CDH13: variants seen among roughly 807,000 people sequenced by gnomAD.
The protein encoded by CDH13 is cadherin 13.
Under a neutral mutation model 63.8 loss-of-function variants are expected in CDH13, and 24 were observed. The observed-to-expected ratio is 0.38, with a 90% confidence interval of 0.27 to 0.53. The LOEUF is 0.53. Ranked by LOEUF, CDH13 falls within the 20% of genes least tolerant of loss-of-function variation. CDH13 has a pLI of 0.85. For missense variants in CDH13, 1,049 were observed against 903.1 expected (o/e 1.16, Z -2.07); for synonymous variants, 503 against 355.3 (o/e 1.42, Z -4.67).
intron 7 of CDH13, among the ~76,000 whole-genome samples, chr16:83,511,094 ATGCACAC>A (rs1435144869): frequency 1.3e-5 from 2 of 151,340 alleles, no homozygotes; most frequent in African/African-American, 4.8e-5. Context: ...GCACACACAC[ATGCACAC>A]ATGCACGCAT....
At chr16:82,691,289 T>A (rs921868897) in intron 1 of CDH13, among the ~76,000 whole-genome samples, 1 of 152,196 alleles carries the variant, frequency 6.6e-6, no homozygotes, top group Non-Finnish European at 1.5e-5. Flanking sequence ...TATATGCCAA[T>A]GGCTGCCAGC....
intron 6 of CDH13, among the ~76,000 whole-genome samples, chr16:83,479,556 C>G (rs1422780337): frequency 6.6e-6 from 1 of 152,064 alleles, no homozygotes; most frequent in African/African-American, 2.4e-5. Flanking sequence ...ACTCAGGAGG[C>G]TGAGGCAGGA....
At chr16:83,358,911 A>G (rs1285319646) in intron 6 of CDH13, among the ~76,000 whole-genome samples, 1 of 152,154 alleles carries the variant, frequency 6.6e-6, no homozygotes, top group Non-Finnish European at 1.5e-5. Flanking sequence ...ATTTCCTAGT[A>G]TTACTGTAAT....
chr16:83,551,720 G>T (rs1022270076), intron 7 of CDH13, among the ~76,000 whole-genome samples: 1 of 152,144 alleles, frequency 6.6e-6, no homozygotes, highest in Non-Finnish European at 1.5e-5. Flanking sequence ...AGAAATAAAT[G>T]CATCTCCCTT....
intron 4 of CDH13, among the ~76,000 whole-genome samples, chr16:83,214,606 G>GAAAAAAAAAAA (rs2039441543): frequency 1.5e-5 from 1 of 68,104 alleles, no homozygotes; most frequent in Non-Finnish European, 3.8e-5. Context: ...AAAAAAAGAG[G>GAAAAAAAAAAA]AAACCACCTA....
At chr16:83,623,987 G>A (rs1216668158) in intron 8 of CDH13, among the ~76,000 whole-genome samples, 2 of 152,184 alleles carry the variant, frequency 1.3e-5, no homozygotes, top group African/African-American at 4.8e-5. Context: ...CAGCAGAAAC[G>A]AATTTCCTGG....
intron 8 of CDH13, among the ~76,000 whole-genome samples, chr16:83,660,556 A>G (rs11859982): frequency 2.1e-4 from 32 of 152,350 alleles, no homozygotes; most frequent in African/African-American, 7.7e-4. Context: ...TGGCCCGGTT[A>G]CTAACAGGCT....
At chr16:82,964,687 G>A (rs193292028) in intron 2 of CDH13, among the ~76,000 whole-genome samples, 201 of 152,304 alleles carry the variant, frequency 1.3e-3, no homozygotes, top group Non-Finnish European at 2.2e-3. Flanking sequence ...GGTTAATAGA[G>A]GTCAGGTGTA....
intron 5 of CDH13, among the ~76,000 whole-genome samples, chr16:83,317,161 G>A (rs2090124538): frequency 6.6e-6 from 1 of 152,124 alleles, no homozygotes; most frequent in Admixed American, 6.5e-5. Flanking sequence ...TAATTATCTG[G>A]TCCCAAATGT....
intron 2 of CDH13, among the ~76,000 whole-genome samples, chr16:82,987,301 C>T (rs1255018813): frequency 1.3e-5 from 2 of 152,164 alleles, no homozygotes; most frequent in Non-Finnish European, 2.9e-5. Context: ...ATCTACTGGG[C>T]AGAGATCTTA....
intron 8 of CDH13, among the ~76,000 whole-genome samples, chr16:83,620,508 A>T (rs1256760065): frequency 6.6e-6 from 1 of 151,722 alleles, no homozygotes; most frequent in Non-Finnish European, 1.5e-5. Flanking sequence ...ATTGCTGGGG[A>T]TGCCAACAGC....
intron 6 of CDH13, among the ~76,000 whole-genome samples, chr16:83,404,974 G>A (rs2092020507): frequency 6.6e-6 from 1 of 152,136 alleles, no homozygotes; most frequent in African/African-American, 2.4e-5. Context: ...AGTGAACAAA[G>A]TAGCCCATTA....
rs192493060 is a variant in CDH13, at chr16:82,636,108, C to A, written c.45+8971C>A. 1.1e-4 allele frequency among the ~76,000 whole-genome samples: 16 copies of A among 152,174 alleles called. No individual in the cohort carries two copies. The East Asian group carries it at 3.1e-3, about 29-fold the overall frequency. ...ATGGACTAAATCCTATTCAGATAAT[C>A]CAAGAGACATTTAGGTGGATAACTT... is the stretch of plus-strand genomic sequence containing the variant. On this transcript the variant is annotated intron_variant, in intron 1 of 13. Transcript: ENST00000567109.
At chr16:82,953,552 C>G (rs1905602308) in intron 2 of CDH13, 1 of 152,274 alleles carries the variant, frequency 6.6e-6, no homozygotes, top group South Asian at 2.1e-4. Context: ...GCATGGTGAA[C>G]TTAGTAATTT....
intron 2 of CDH13, among the ~76,000 whole-genome samples, chr16:83,009,068 C>G (rs1913848914): frequency 6.6e-6 from 1 of 152,152 alleles, no homozygotes; most frequent in Admixed American, 6.5e-5. Context: ...CAATTCCACC[C>G]CCACCGGGTC....
chr16:83,127,753 T>C (rs577027634), intron 4 of CDH13, among the ~76,000 whole-genome samples: 1 of 152,170 alleles, frequency 6.6e-6, no homozygotes, highest in Non-Finnish European at 1.5e-5. Context: ...AAAAAATCGA[T>C]CTTTATTGCA....
rs530079562 is a variant in CDH13 at position 83,096,646 on chromosome 16, C to G, written c.367-28739C>G. 3.3e-5 allele frequency among the ~76,000 whole-genome samples: 5 copies of G among 152,274 alleles called. 1 individual carries two copies. Among genetic ancestry groups the G allele is most frequent in the African/African-American group, 1.2e-4 (5 of 41,568 alleles). On this transcript the variant is annotated intron_variant, in intron 3 of 13. Coordinates refer to ENST00000567109, the MANE Select transcript of CDH13 (RefSeq NM_001257.5). Reference sequence around the variant, plus strand: ...TGCGCTTTCCAGTCGTGTGTCAATGCAAAGTGAGCGGATTTGGGTTTAACT... The same window carrying G: ...TGCGCTTTCCAGTCGTGTGTCAATGGAAAGTGAGCGGATTTGGGTTTAACT...
intron 2 of CDH13, among the ~76,000 whole-genome samples, chr16:82,895,285 A>C (rs1372934429): frequency 6.6e-6 from 1 of 152,182 alleles, no homozygotes; most frequent in African/African-American, 2.4e-5. Context: ...ATTAAGAAGA[A>C]AAGACACCCA....
intron 2 of CDH13, among the ~76,000 whole-genome samples, chr16:82,969,757 T>G (rs1304113919): frequency 1.3e-5 from 2 of 152,050 alleles, no homozygotes; most frequent in African/African-American, 4.8e-5. Flanking sequence ...GCACAATATA[T>G]TTTTAAATTT....
Sources: allele counts gnomAD v4.1 joint callset (sites outside exome capture counted in the v4.1 genomes callset), GRCh38; gene constraint gnomAD v4.1.1; transcripts MANE v1.5; gene names NCBI Gene and HGNC (gene_info 2026-07-23, HGNC 2026-07-21).